The following DENND1A variants were observed in gnomAD, a reference collection of about 807,000 sequenced individuals.
DENND1A encodes DENN domain-containing protein 1A.
In DENND1A, 51 loss-of-function variants were observed where a neutral mutation model predicts 113.7. The ratio of observed to expected loss-of-function variants is 0.45; its 90% CI spans 0.36 to 0.57. The LOEUF (loss-of-function observed/expected upper bound fraction) is 0.57. DENND1A is among the 20% of genes least tolerant of loss of function. DENND1A has a pLI of 0.00. For missense variants in DENND1A, 1,258 were observed against 1,395.9 expected, an observed-to-expected ratio of 0.90 and a Z score of 1.57; for synonymous variants, 565 against 570.8, an observed-to-expected ratio of 0.99 and a Z score of 0.14.
At chr9:123,580,487 A>G (rs751690059) in intron 12 of DENND1A, among the ~76,000 whole-genome samples, 2 of 152,234 alleles carry the variant, frequency 1.3e-5, no homozygotes, top group Admixed American at 6.5e-5. Flanking sequence ...GTGCCAGCAC[A>G]GGGTCAGAGC....
At chr9:123,451,893 T>A (rs745822286) in intron 17 of DENND1A, among the ~76,000 whole-genome samples, 7 of 152,112 alleles carry the variant, frequency 4.6e-5, no homozygotes, top group Non-Finnish European at 7.4e-5. Flanking sequence ...GAGGACAAGG[T>A]ATACTTAAGA....
At position 123,380,322 on chromosome 9, in the gene DENND1A, T is replaced by TCTAA. The variant is rs1377718070; in HGVS notation, c.*1106_*1109dup. 3 of 152,584 alleles carry TCTAA rather than the reference T, an allele frequency of 2.0e-5. No homozygotes were observed. The highest frequency in any genetic ancestry group is 4.8e-5 in the African/African-American group (2 of 41,464). 9.5% of individuals were successfully genotyped at this position (152,584 alleles called of 1,614,324 possible). ...AAAAAGAAAGATAATAAACATTCAA[T>TCTAA]CTAACTTTGGTGACGTTGGCCTCAG... On this transcript the variant is annotated 3_prime_UTR_variant, in exon 24 of 24. Transcript: ENST00000394215.
intron 5 of DENND1A, among the ~76,000 whole-genome samples, chr9:123,722,990 A>G (rs1266767522): frequency 6.6e-6 from 1 of 152,234 alleles, no homozygotes; most frequent in Non-Finnish European, 1.5e-5. Flanking sequence ...GAAAAAGCTG[A>G]AGATACTCAA....
At chr9:123,787,597 G>A (rs1230530889) in intron 3 of DENND1A, among the ~76,000 whole-genome samples, 1 of 152,252 alleles carries the variant, frequency 6.6e-6, no homozygotes, top group East Asian at 1.9e-4. Context: ...ATGAACAGAT[G>A]AAAACTCCAT....
rs10513422 is a variant in DENND1A at position 123,809,129 on chromosome 9, C to T, written c.89-16499G>A. ...TGATACAAACCTAGAAGGAACGGCA[C>T]GATGGTTTCTATTATCTTCAGCTGG... is the stretch of plus-strand genomic sequence containing the variant. On this transcript the variant is annotated intron_variant, in intron 2 of 23. Transcript: ENST00000394215. Among the ~76,000 whole-genome samples the T allele has an allele frequency of 7.5e-3, 1,136 of 152,268 alleles. 37 individuals carry two copies. Among genetic ancestry groups the T allele is most frequent in the Admixed American group, 0.06 (914 of 15,296 alleles).
chr9:123,659,728 C>T (rs2063133914), intron 8 of DENND1A, among the ~76,000 whole-genome samples: 1 of 152,214 alleles, frequency 6.6e-6, no homozygotes, highest in Non-Finnish European at 1.5e-5. Flanking sequence ...TAGCAAAGCC[C>T]AGAGTCTGGT....
intron 5 of DENND1A, among the ~76,000 whole-genome samples, chr9:123,713,113 C>A (rs1044782361): frequency 2.0e-5 from 3 of 151,972 alleles, no homozygotes; most frequent in African/African-American, 7.3e-5. Flanking sequence ...AATCCCTGAC[C>A]GAGAGTTAAC....
intron 11 of DENND1A, 52 bp from the exon 12 acceptor site, chr9:123,583,322 C>T: frequency 1.5e-6 from 2 of 1,348,130 alleles, no homozygotes; most frequent in Non-Finnish European, 2.1e-6. Flanking sequence ...GCCATCAAGA[C>T]ACACTTCCCC....
intron 2 of DENND1A, among the ~76,000 whole-genome samples, chr9:123,799,873 A>C (rs1834347959): frequency 6.6e-6 from 1 of 152,238 alleles, no homozygotes; most frequent in Admixed American, 6.5e-5. Context: ...GATCACACTG[A>C]CATGTCGTAA....
At chr9:123,647,606 A>C (rs1229435559) in intron 9 of DENND1A, among the ~76,000 whole-genome samples, 1 of 152,212 alleles carries the variant, frequency 6.6e-6, no homozygotes, top group African/African-American at 2.4e-5. Context: ...GTGAATCCCT[A>C]AACAAGATAC....
chr9:123,897,962 A>G (rs1158607358), intron 1 of DENND1A, among the ~76,000 whole-genome samples: 3 of 151,130 alleles, frequency 2.0e-5, no homozygotes, highest in African/African-American at 4.9e-5. Context: ...AAAAAAAAAA[A>G]GGTCCACAGG....
intron 2 of DENND1A, among the ~76,000 whole-genome samples, chr9:123,855,495 T>C (rs72757147): frequency 0.042 from 6,339 of 151,636 alleles, 171 homozygotes; most frequent in Middle Eastern, 0.14. Flanking sequence ...TGAAAGAAAA[T>C]AGACTAAAGT....
chr9:123,620,230 A>AG (rs1284158770), intron 10 of DENND1A, among the ~76,000 whole-genome samples: 10 of 149,474 alleles, frequency 6.7e-5, no homozygotes, highest in Non-Finnish European at 1.2e-4. Context: ...AAAAAAAAAA[A>AG]AAAAAAAAGA....
intron 19 of DENND1A, among the ~76,000 whole-genome samples, chr9:123,426,618 C>T (rs146895086): frequency 1.1e-3 from 161 of 152,300 alleles, no homozygotes; most frequent in African/African-American, 3.8e-3. Context: ...AAGCCCAGCT[C>T]AGACCTCCCT....
intron 13 of DENND1A, among the ~76,000 whole-genome samples, chr9:123,501,209 C>G (rs1481714065): frequency 6.6e-6 from 1 of 152,216 alleles, no homozygotes; most frequent in Non-Finnish European, 1.5e-5. Context: ...TCTTCTGTGA[C>G]TGGCTAAATG....
intron 13 of DENND1A, among the ~76,000 whole-genome samples, chr9:123,488,360 A>G (rs2051068138): frequency 6.6e-6 from 1 of 152,224 alleles, no homozygotes; most frequent in Non-Finnish European, 1.5e-5. Context: ...AAATATGTAA[A>G]ATCCAGAATT....
At chr9:123,609,628 C>A in intron 10 of DENND1A, 147 bp from the exon 11 acceptor site, 1 of 932,960 alleles carries the variant, frequency 1.1e-6, no homozygotes. Context: ...CCTAATATGA[C>A]ATTTTGTTCC....
chr9:123,703,014 C>T (rs1349481290), intron 5 of DENND1A, among the ~76,000 whole-genome samples: 1 of 152,162 alleles, frequency 6.6e-6, no homozygotes, highest in African/African-American at 2.4e-5. Context: ...CAGAGTCTTT[C>T]CCTGTAGCCC....
rs987913889 is a variant in DENND1A, at chr9:123,387,862, G to A, written c.1632-4C>T. On this transcript the variant is annotated splice_polypyrimidine_tract_variant and splice_region_variant and intron_variant, in intron 21 of 23. Transcript: ENST00000394215. ...GTGTCGCAAGGGCTTTACCAGGCTG[G>A]GGCAGAGGAAGACAAAAGAGAAGAG... 7.8e-7 allele frequency: 1 copy of A among 1,289,866 alleles called. No individual in the cohort carries two copies. Among genetic ancestry groups the A allele is most frequent in the East Asian group, 5.5e-5 (1 of 18,028 alleles). 79.9% of individuals were successfully genotyped at this position (1,289,866 alleles called of 1,614,324 possible).
Sources: allele counts gnomAD v4.1 joint callset (sites outside exome capture counted in the v4.1 genomes callset), GRCh38; gene constraint gnomAD v4.1.1; transcripts MANE v1.5; gene names NCBI Gene and HGNC (gene_info 2026-07-23, HGNC 2026-07-21).